Variants in RGS6 observed in about 807,000 individuals in gnomAD.
RGS6 encodes the protein regulator of G-protein signaling 6.
A neutral mutation model predicts 78.5 loss-of-function variants in RGS6; 30 were observed. The observed-to-expected ratio is 0.38, with a 90% CI of 0.29 to 0.52. RGS6 has a LOEUF of 0.52. Among genes scored for constraint, RGS6 ranks in the 20% least tolerant of loss-of-function variants. The pLI, the probability that RGS6 is intolerant of heterozygous loss-of-function variation, is 0.85. For missense variants in RGS6, 495 were observed against 609.7 expected, an observed-to-expected ratio of 0.81 and a Z score of 1.98; for synonymous variants, 206 against 206.0, an observed-to-expected ratio of 1.00 and a Z score of 0.00.
intron 3 of RGS6, among the ~76,000 whole-genome samples, chr14:72,399,707 C>G (rs1447578066): frequency 6.6e-6 from 1 of 152,024 alleles, no homozygotes; most frequent in Non-Finnish European, 1.5e-5. Context: ...CCTTCAGGAG[C>G]TCTTTTAGGG....
chr14:72,030,929 A>G (rs944046346), intron 2 of RGS6, among the ~76,000 whole-genome samples: 3 of 151,976 alleles, frequency 2.0e-5, no homozygotes, highest in African/African-American at 7.2e-5. Context: ...CTGGGGCTTG[A>G]TAGCACTTAC....
rs368084043 is a variant in RGS6 at position 72,278,378 on chromosome 14, A to G, written c.85-73717A>G. On this transcript the variant is annotated intron_variant, in intron 2 of 17. Transcript: ENST00000553525. ...AGAAGAGAACCTAGAAAGGATGTCAAGAGCAGACTTAGCTGACCTCACTTT... is the reference window on the plus strand; with the variant it reads ...AGAAGAGAACCTAGAAAGGATGTCAGGAGCAGACTTAGCTGACCTCACTTT... Among the ~76,000 whole-genome samples the G allele has an allele frequency of 3.9e-5, 6 of 152,324 alleles. No individual in the cohort carries two copies. The East Asian group carries it at 9.7e-4, about 25-fold the overall frequency.
chr14:72,012,465 T>G (rs1056021630), intron 2 of RGS6, among the ~76,000 whole-genome samples: 4 of 152,224 alleles, frequency 2.6e-5, no homozygotes, highest in African/African-American at 9.6e-5. Flanking sequence ...ATGGCCTTAT[T>G]ATATGAACAT....
intron 3 of RGS6, among the ~76,000 whole-genome samples, chr14:72,380,481 C>A (rs1397273673): frequency 9.5e-5 from 14 of 147,554 alleles, no homozygotes; most frequent in East Asian, 5.9e-4. Context: ...AAAAAAAAAA[C>A]CGAACAATCC....
chr14:72,278,078 G>A (rs1427842485), intron 2 of RGS6, among the ~76,000 whole-genome samples: 1 of 152,146 alleles, frequency 6.6e-6, no homozygotes, highest in Non-Finnish European at 1.5e-5. Flanking sequence ...GGGGCAGAAT[G>A]GGAAAAGAAA....
chr14:72,446,531 T>C (rs1413807619), intron 3 of RGS6, among the ~76,000 whole-genome samples: 24 of 152,208 alleles, frequency 1.6e-4, no homozygotes, highest in Admixed American at 1.6e-3. Context: ...CCCAGCCTTT[T>C]TGGCACCAGG....
chr14:72,484,512 G>A (rs2153381547), intron 12 of RGS6, among the ~76,000 whole-genome samples: 1 of 152,030 alleles, frequency 6.6e-6, no homozygotes, highest in Non-Finnish European at 1.5e-5. Flanking sequence ...CCTCCAACTT[G>A]TCATAGTTTT....
chr14:72,451,931 T>G (rs1315910268), intron 3 of RGS6, among the ~76,000 whole-genome samples: 1 of 152,084 alleles, frequency 6.6e-6, no homozygotes, highest in Non-Finnish European at 1.5e-5. Flanking sequence ...TTTTGTATTT[T>G]AATAGAGACG....
At chr14:71,957,159 GT>G (rs751929460) in intron 1 of RGS6, among the ~76,000 whole-genome samples, 2 of 152,224 alleles carry the variant, frequency 1.3e-5, no homozygotes, top group Non-Finnish European at 2.9e-5. Context: ...TGACTCTGAT[GT>G]TAAAGTCACT....
chr14:72,627,632 G>C, the RGS6 span, among the ~76,000 whole-genome samples: 3 of 151,896 alleles, frequency 2.0e-5, no homozygotes, highest in Non-Finnish European at 4.4e-5. Flanking sequence ...GCCTATTTTT[G>C]CATGTTTGTT....
intron 2 of RGS6, among the ~76,000 whole-genome samples, chr14:72,164,019 A>G (rs978700902): frequency 3.3e-5 from 5 of 152,138 alleles, no homozygotes; most frequent in Admixed American, 6.6e-5. Flanking sequence ...GGAATGGTGA[A>G]TAAAATGAAA....
chr14:71,903,421 T>C, the RGS6 span, among the ~76,000 whole-genome samples: 2 of 152,250 alleles, frequency 1.3e-5, no homozygotes, highest in African/African-American at 4.8e-5. Flanking sequence ...AAGGTTGGGT[T>C]CCTTATTAGT....
chr14:72,123,439 CT>C (rs1006914463), intron 2 of RGS6, among the ~76,000 whole-genome samples: 22 of 152,202 alleles, frequency 1.4e-4, no homozygotes, highest in Admixed American at 6.5e-4. Context: ...GAAGCTATTT[CT>C]TATTTCTCCA....
At chr14:72,305,861 G>A (rs1056209405) in intron 2 of RGS6, among the ~76,000 whole-genome samples, 3 of 152,212 alleles carry the variant, frequency 2.0e-5, no homozygotes, top group African/African-American at 7.2e-5. Flanking sequence ...CAAAAGCTGA[G>A]ACAGGCCAAA....
At chr14:72,562,188 AG>A (rs1406900068) in intron 17 of RGS6, among the ~76,000 whole-genome samples, 1 of 152,210 alleles carries the variant, frequency 6.6e-6, no homozygotes, top group East Asian at 1.9e-4. Context: ...CACCCTCATA[AG>A]GGGACCCTCC....
the RGS6 span, among the ~76,000 whole-genome samples, chr14:72,621,009 C>T: frequency 1.3e-5 from 2 of 152,030 alleles, no homozygotes; most frequent in Non-Finnish European, 1.5e-5. Flanking sequence ...GGCATGGTGG[C>T]GTGCACCTGT....
intron 3 of RGS6, among the ~76,000 whole-genome samples, chr14:72,414,836 G>C (rs550349391): frequency 6.6e-6 from 1 of 152,306 alleles, no homozygotes; most frequent in African/African-American, 2.4e-5. Flanking sequence ...CTGTTTACCT[G>C]CGTATCAGCA....
At chr14:72,295,699 T>C in intron 2 of RGS6, among the ~76,000 whole-genome samples, 1 of 152,316 alleles carries the variant, frequency 6.6e-6, no homozygotes, top group East Asian at 1.9e-4. Flanking sequence ...TTGTAAGGCT[T>C]AATATAATAT....
chr14:71,909,574 C>CAAAGAGAGAG, the RGS6 span, among the ~76,000 whole-genome samples: 1 of 16,928 alleles, frequency 5.9e-5, no homozygotes, highest in Non-Finnish European at 1.2e-4. Context: ...GAAATAAGGA[C>CAAAGAGAGAG]ATAGAGAGAG....
Sources: allele counts gnomAD v4.1 joint callset (sites outside exome capture counted in the v4.1 genomes callset), GRCh38; gene constraint gnomAD v4.1.1; transcripts MANE v1.5; gene names NCBI Gene and HGNC (gene_info 2026-07-23, HGNC 2026-07-21).